Variants in KLC3 observed in about 807,000 individuals in gnomAD.
KLC3 encodes kinesin light chain 2.
A neutral mutation model predicts 62.9 loss-of-function variants in KLC3; 72 were observed. The ratio of observed to expected loss-of-function variants is 1.15; its 90% CI spans 0.95 to 1.39. The LOEUF is 1.39. Among genes scored for constraint, KLC3 ranks in the 40% most tolerant of loss-of-function variants. KLC3 has a pLI of 0.00. For missense variants in KLC3, 848 were observed against 691.6 expected, an observed-to-expected ratio of 1.23 and a Z score of -2.54; for synonymous variants, 377 against 300.5, an observed-to-expected ratio of 1.25 and a Z score of -2.63.
rs776757816 is a variant in KLC3 at position 45,351,280 on chromosome 19, CTCCAGTT to C, written c.1444-2_1448del. The C allele has an allele frequency of 6.2e-7, 1 of 1,612,338 alleles. No homozygotes were observed. Among genetic ancestry groups the C allele is most frequent in the Non-Finnish European group, 8.5e-7 (1 of 1,179,882 alleles). Reference sequence around the variant, plus strand: ...CCCTCCAACCATCCCCTGTGCCTGTCTCCAGTTTCCCAGCTGGCACCTGGACAAGGCC... The same window carrying C: ...CCCTCCAACCATCCCCTGTGCCTGTCTCCCAGCTGGCACCTGGACAAGGCC... On this transcript the variant is annotated splice_acceptor_variant and splice_polypyrimidine_tract_variant and coding_sequence_variant and intron_variant, in exon 13 of 13. Coordinates refer to ENST00000391946, the MANE Select transcript of KLC3 (RefSeq NM_177417.3). LOFTEE classifies it high-confidence loss of function.
chr19:45,346,428 TG>T, intron 2 of KLC3, 115 bp from the exon 3 acceptor site: 2 of 873,242 alleles, frequency 2.3e-6, no homozygotes, highest in Non-Finnish European at 3.4e-6. Context: ...CTGCAGAATC[TG>T]GGGGTGTCGT....
intron 5 of KLC3, 101 bp downstream of exon 5, chr19:45,348,261 T>G (rs1971557652): frequency 8.9e-7 from 1 of 1,126,924 alleles, no homozygotes; most frequent in South Asian, 1.5e-5. Context: ...ATGGAGCACC[T>G]AGGGAGGTCA....
chr19:45,343,277 G>T (rs1163790165), intron 1 of KLC3, among the ~76,000 whole-genome samples: 1 of 152,056 alleles, frequency 6.6e-6, no homozygotes, highest in Non-Finnish European at 1.5e-5. Flanking sequence ...GTGATTTGGG[G>T]AGTGGGAGAG....
At chr19:45,348,760 T>A (rs1346481580) in intron 6 of KLC3, 27 bp downstream of exon 6, 1 of 1,565,558 alleles carries the variant, frequency 6.4e-7, no homozygotes, top group South Asian at 1.2e-5. Flanking sequence ...GGAGACGAAG[T>A]GGGGTCAAAG....
At chr19:45,350,491 G>C in intron 9 of KLC3, 23 bp from the exon 10 acceptor site, 3 of 1,613,702 alleles carry the variant, frequency 1.9e-6, no homozygotes, top group Non-Finnish European at 2.5e-6. Context: ...CCCCATCTCA[G>C]TGTCCCCCAT....
chr19:45,349,060 C>A, intron 7 of KLC3, 139 bp downstream of exon 7: 1 of 739,856 alleles, frequency 1.4e-6, no homozygotes, highest in Non-Finnish European at 2.2e-6. Flanking sequence ...GAGCCTAGAT[C>A]ACCCAACCCA....
Position 45,349,418 on chromosome 19 carries a change from C to A in KLC3, c.970-11C>A. On this transcript the variant is annotated splice_polypyrimidine_tract_variant and intron_variant, in intron 7 of 12. Transcript: ENST00000391946. ...GTATGATCCCTCTGACTTGTGACCC[C>A]TGGCCCCCAGGTCCTGGGTGCTGAC... The A allele has an allele frequency of 6.3e-7, 1 of 1,596,148 alleles. No individual in the cohort carries two copies. Among genetic ancestry groups the A allele is most frequent in the East Asian group, 2.2e-5 (1 of 44,550 alleles).
rs1159066673 is a variant in KLC3, at chr19:45,350,750, G to A, written c.1379+3G>A. ...GAGGCGGCGGCAGGAGCAGCCGGGT[G>A]AGTGTTGATCAGGTCGGCAAAGAGC... On this transcript the variant is annotated splice_donor_region_variant and intron_variant, in intron 11 of 12. Coordinates refer to ENST00000391946, the MANE Select transcript of KLC3 (RefSeq NM_177417.3). 2.5e-6 allele frequency: 4 copies of A among 1,608,340 alleles called. No individual in the cohort carries two copies. Among genetic ancestry groups the A allele is most frequent in the Middle Eastern group, 1.7e-4 (1 of 6,000 alleles).
At chr19:45,348,189 G>T in intron 5 of KLC3, 29 bp downstream of exon 5, 2 of 1,526,634 alleles carry the variant, frequency 1.3e-6, no homozygotes, top group African/African-American at 2.7e-5. Context: ...CATGGCTGGG[G>T]GCAGGAACGG....
chr19:45,348,180 A>G lies in KLC3; in HGVS notation c.779+20A>G. 1 of 1,553,676 alleles carries G rather than the reference A, an allele frequency of 6.4e-7. No homozygotes were observed. On this transcript the variant is annotated intron_variant, in intron 5 of 12. Transcript: ENST00000391946. ...GTACCGGTGAGCACTGCGGCCAGCCATGGCTGGGGGCAGGAACGGCAGGGA... is the reference window on the plus strand; with the variant it reads ...GTACCGGTGAGCACTGCGGCCAGCCGTGGCTGGGGGCAGGAACGGCAGGGA...
Position 45,350,440 on chromosome 19 carries a change from CT to C in KLC3, c.1234+10del. On this transcript the variant is annotated intron_variant, in intron 9 of 12. Coordinates refer to ENST00000391946, the MANE Select transcript of KLC3 (RefSeq NM_177417.3). ...CCTACCCGCCCCTCTCGGTGAGCCC[CT>C]AGCCCCTGTCTGTCTTCCCTCCTGG... 1 of 1,613,810 alleles carries C rather than the reference CT, an allele frequency of 6.2e-7. No individual in the cohort carries two copies. The highest frequency in any genetic ancestry group is 8.5e-7 in the Non-Finnish European group (1 of 1,179,796).
intron 12 of KLC3, 109 bp from the exon 13 acceptor site, chr19:45,351,177 G>C (rs1971748995): frequency 6.3e-7 from 1 of 1,585,420 alleles, no homozygotes; most frequent in Non-Finnish European, 8.6e-7. Flanking sequence ...ACTTGGGGTA[G>C]AGGCGAGGGG....
Position 45,351,482 on chromosome 19 carries a change from C to A in KLC3, c.*125C>A. On this transcript the variant is annotated 3_prime_UTR_variant, in exon 13 of 13. Coordinates refer to ENST00000391946, the MANE Select transcript of KLC3 (RefSeq NM_177417.3). ...CCTCTGGGTACCTGGTGGATAGCTGCCTTCTCCTGCGATTAAAGGCTGTGG... is the reference window on the plus strand; with the variant it reads ...CCTCTGGGTACCTGGTGGATAGCTGACTTCTCCTGCGATTAAAGGCTGTGG... 1 of 1,587,726 alleles carries A rather than the reference C, an allele frequency of 6.3e-7. No homozygotes were observed. The highest frequency in any genetic ancestry group is 1.1e-5 in the South Asian group (1 of 89,540).
Position 45,351,271 on chromosome 19 carries a change from T to TG in KLC3, c.1444-14dup, listed in dbSNP as rs770530749. The stretch of plus-strand genomic sequence containing the variant: ...CCTCACCTCCCCTCCAACCATCCCC[T>TG]GTGCCTGTCTCCAGTTTCCCAGCTG... On this transcript the variant is annotated splice_polypyrimidine_tract_variant and intron_variant, in intron 12 of 12. Transcript: ENST00000391946. The TG allele has an allele frequency of 4.2e-5, 68 of 1,611,746 alleles. No individual in the cohort carries two copies. In the East Asian group the frequency reaches 1.5e-3, roughly 35 times the overall value.
At position 45,350,690 on chromosome 19, in the gene KLC3, G is replaced by A. The variant is rs754674282; in HGVS notation, c.1322G>A (p.Arg441Gln). 1.1e-5 allele frequency: 18 copies of A among 1,613,674 alleles called. No homozygotes were observed. The highest frequency in any genetic ancestry group is 4.5e-5 in the East Asian group (2 of 44,874). Residue 441 changes from arginine to glutamine, a missense_variant, in exon 11 of 13, where the codon CGA (arginine) becomes CAA (glutamine). Physicochemically the swap from Arg to Gln is conservative, Grantham distance 43 (BLOSUM62 1). Coordinates refer to ENST00000391946, the MANE Select transcript of KLC3 (RefSeq NM_177417.3). The part of the protein sequence containing the change: ...SLSKIRESIR[R>Q]GSEKLVSRLR... ...TCCAAGATCCGTGAGTCTATCAGGC[G>A]AGGAAGTGAGAAGCTGGTCTCCCGG...
intron 5 of KLC3, among the ~76,000 whole-genome samples, 164 bp downstream of exon 5, chr19:45,348,324 C>T (rs1460132216): frequency 5.3e-5 from 8 of 152,076 alleles, no homozygotes; most frequent in South Asian, 2.1e-4. Context: ...GCTGTGAGAA[C>T]GGCAAAGAGG....
At position 45,349,573 on chromosome 19, in the gene KLC3, C is replaced by A; in HGVS notation, c.1114C>A (p.Pro372Thr). The A allele has an allele frequency of 6.2e-7, 1 of 1,613,034 alleles. No homozygotes were observed. Among genetic ancestry groups the A allele is most frequent in the Non-Finnish European group, 8.5e-7 (1 of 1,179,366 alleles). ...IYEALGGPHD[P>T]NVAKTKNNLA... is the part of the protein sequence containing the mutation. ...TGAGGCACTGGGCGGGCCCCATGACCCCAACGTGGCCAAGACCAAGAACAA... is the reference window on the plus strand; with the variant it reads ...TGAGGCACTGGGCGGGCCCCATGACACCAACGTGGCCAAGACCAAGAACAA... The change falls in exon 8 of 13, where the codon CCC becomes ACC. Residue 372 changes from proline to threonine, a missense_variant. By Grantham distance (38) the Pro-to-Thr change is conservative (BLOSUM62 -1). Coordinates refer to ENST00000391946, the MANE Select transcript of KLC3 (RefSeq NM_177417.3).
chr19:45,346,922 A>G (rs1017426539), intron 3 of KLC3, 148 bp downstream of exon 3: 9 of 664,892 alleles, frequency 1.4e-5, no homozygotes, highest in African/African-American at 2.1e-5. Flanking sequence ...ACAGTCCCCC[A>G]ACCCTCCACA....
chr19:45,347,357 C>CA (rs943153460), intron 3 of KLC3, 90 bp from the exon 4 acceptor site: 77 of 734,500 alleles, frequency 1.0e-4, no homozygotes, highest in Middle Eastern at 3.5e-4. Context: ...AAAAAAAAAA[C>CA]AAAAAAACAA....
Sources: gnomAD v4.1 joint callset for allele counts (sites outside exome capture counted in the v4.1 genomes callset) on GRCh38, gnomAD v4.1.1 for gene constraint, MANE v1.5 for transcripts, NCBI Gene and HGNC (gene_info 2026-07-23, HGNC 2026-07-21) for gene names.